EML4: variants seen among roughly 807,000 people sequenced by gnomAD.
The protein encoded by EML4 is EMAP like 4, also known as echinoderm microtubule-associated protein-like 4.
EML4 carries 72 observed loss-of-function variants against 129.0 expected under a neutral mutation model. The observed-to-expected ratio is 0.56, with a 90% CI of 0.46 to 0.68. The LOEUF (loss-of-function observed/expected upper bound fraction) is 0.68, where lower values mean the gene tolerates loss of function less well. EML4 is among the 30% of genes least tolerant of loss of function. The probability of loss-of-function intolerance (pLI) is 0.00; values close to 1 mark genes in which losing one functional copy is unlikely to be tolerated. For synonymous variants in EML4, 532 were observed against 405.0 expected, an observed-to-expected ratio of 1.31 and a Z score of -3.77; for missense variants, 1,363 against 1,190.6, an observed-to-expected ratio of 1.14 and a Z score of -2.13.
At chr2:42,317,671 A>G (rs964055751) in intron 19 of EML4, 147 bp downstream of exon 19, 2 of 592,448 alleles carry the variant, frequency 3.4e-6, no homozygotes, top group African/African-American at 1.9e-5. Flanking sequence ...AATACATGAT[A>G]GCAGAACATC....
chr2:42,268,041 A>G (rs1397352364), intron 6 of EML4, among the ~76,000 whole-genome samples: 1 of 152,238 alleles, frequency 6.6e-6, no homozygotes, highest in Non-Finnish European at 1.5e-5. Context: ...TGGAAAATAG[A>G]TAACAATTTG....
intron 1 of EML4, among the ~76,000 whole-genome samples, chr2:42,245,090 C>CTTTTTTTTTTTTTTTTT (rs960416568): frequency 6.9e-5 from 1 of 14,514 alleles, no homozygotes. Context: ...TTGAAATTTT[C>CTTTTTTTTTTTTTTTTT]TTTCTTTTTT....
rs1157977424 is a variant in EML4 at position 42,330,521 on chromosome 2, T to C, written c.*314T>C. 6.3e-6 allele frequency: 3 copies of C among 475,356 alleles called. No individual in the cohort carries two copies. Among genetic ancestry groups the C allele is most frequent in the African/African-American group, 5.8e-5 (3 of 51,768 alleles). 29.4% of individuals were successfully genotyped at this position (475,356 alleles called of 1,614,324 possible). On this transcript the variant is annotated 3_prime_UTR_variant, in exon 23 of 23. Transcript: ENST00000318522. Reference sequence around the variant, plus strand: ...AACAAAAACAGCAGTTGCATTGATTTTGAAAACAAACCCCCTTGTTATCTG... The same window carrying C: ...AACAAAAACAGCAGTTGCATTGATTCTGAAAACAAACCCCCTTGTTATCTG...
At chr2:42,287,747 G>A (rs903276437) in intron 10 of EML4, among the ~76,000 whole-genome samples, 3 of 152,084 alleles carry the variant, frequency 2.0e-5, no homozygotes, top group African/African-American at 7.2e-5. Flanking sequence ...ATGTAAGTCA[G>A]GTATCTCACA....
At chr2:42,325,141 C>T in intron 19 of EML4, 1 of 513,036 alleles carries the variant, frequency 1.9e-6, no homozygotes, top group Non-Finnish European at 3.9e-6. Context: ...CATGGGGACA[C>T]CAGTGACGTG....
chr2:42,308,933 A>G (rs1668772318), intron 17 of EML4, among the ~76,000 whole-genome samples: 1 of 152,228 alleles, frequency 6.6e-6, no homozygotes. Context: ...ATGGCCAAAT[A>G]ACATTCCATT....
At chr2:42,215,522 G>C (rs573647754) in intron 1 of EML4, among the ~76,000 whole-genome samples, 2 of 150,000 alleles carry the variant, frequency 1.3e-5, no homozygotes, top group Admixed American at 1.3e-4. Context: ...TTTTTTTTCT[G>C]TTTTATTATA....
intron 1 of EML4, among the ~76,000 whole-genome samples, chr2:42,220,417 C>T (rs573894242): frequency 3.9e-5 from 6 of 152,090 alleles, no homozygotes; most frequent in African/African-American, 1.2e-4. Flanking sequence ...ACCTGTGATC[C>T]ATTACCTTTG....
At position 42,201,954 on chromosome 2, in the gene EML4, G is replaced by A. The variant is rs148344723; in HGVS notation, c.25+32318G>A. On this transcript the variant is annotated intron_variant, in intron 1 of 22. Coordinates refer to ENST00000318522, the MANE Select transcript of EML4 (RefSeq NM_019063.5). ...AAAAATTAGCCGGGTGTGGTGCTGC[G>A]CACCTGTAATCCCAGCTCCTCAGGA... Among the ~76,000 whole-genome samples, 1,399 of 152,054 alleles carry A rather than the reference G, an allele frequency of 9.2e-3. 25 individuals carry two copies. Among genetic ancestry groups the A allele is most frequent in the African/African-American group, 0.031 (1,297 of 41,468 alleles).
At position 42,191,752 on chromosome 2, in the gene EML4, A is replaced by G. The variant is rs548942083; in HGVS notation, c.25+22116A>G. On this transcript the variant is annotated intron_variant, in intron 1 of 22. Transcript: ENST00000318522. ...CACTTTATGTTTTATCACCACCTCA[A>G]ACTGAATTTTAAAAATCCCTAGTTT... Among the ~76,000 whole-genome samples, 14 of 152,252 alleles carry G rather than the reference A, an allele frequency of 9.2e-5. No individual in the cohort carries two copies. The South Asian group carries it at 2.9e-3, about 32-fold the overall frequency.
intron 1 of EML4, among the ~76,000 whole-genome samples, chr2:42,223,268 C>T (rs1054577299): frequency 1.3e-5 from 2 of 152,032 alleles, no homozygotes; most frequent in South Asian, 2.1e-4. Context: ...GTAGTGATTA[C>T]GTAAAGATTA....
Position 42,328,934 on chromosome 2 carries a change from G to T in EML4, c.2390G>T (p.Arg797Leu). ...SDGTDINALVRSHNRKVIAVA... is the reference protein window; with the variant it reads ...SDGTDINALVLSHNRKVIAVA... ...GGGACAGATATCAATGCACTGGTGC[G>T]ATCCCACAATAGAAAGGTGATAGCT... The change falls in exon 22 of 23, where the codon CGA (arginine) becomes CTA (leucine). Residue 797 changes from arginine to leucine, a missense_variant. Transcript: ENST00000318522. The T allele has an allele frequency of 6.2e-7, 1 of 1,613,434 alleles. No individual in the cohort carries two copies. Among genetic ancestry groups the T allele is most frequent in the Non-Finnish European group, 8.5e-7 (1 of 1,179,644 alleles).
intron 1 of EML4, among the ~76,000 whole-genome samples, chr2:42,179,994 G>A (rs1171865961): frequency 1.3e-5 from 2 of 152,184 alleles, no homozygotes; most frequent in East Asian, 1.9e-4. Flanking sequence ...TAAAGCCAAC[G>A]GGTAAGATGT....
At chr2:42,192,170 T>G (rs528427017) in intron 1 of EML4, among the ~76,000 whole-genome samples, 25 of 150,084 alleles carry the variant, frequency 1.7e-4, no homozygotes, top group Admixed American at 6.0e-4. Flanking sequence ...CCCAAGAGTC[T>G]GGGTCTTATA....
chr2:42,241,850 G>T (rs763356331), intron 1 of EML4, among the ~76,000 whole-genome samples: 10 of 146,104 alleles, frequency 6.8e-5, no homozygotes, highest in Non-Finnish European at 1.5e-4. Flanking sequence ...GTAAAATATA[G>T]ATTGTGTGTG....
intron 13 of EML4, among the ~76,000 whole-genome samples, chr2:42,299,843 C>T (rs1668181186): frequency 6.6e-6 from 1 of 152,182 alleles, no homozygotes. Context: ...CATGTGCCAT[C>T]ATGCCCGGCT....
chr2:42,240,068 T>C (rs1286963431), intron 1 of EML4, among the ~76,000 whole-genome samples: 1 of 152,138 alleles, frequency 6.6e-6, no homozygotes, highest in Non-Finnish European at 1.5e-5. Context: ...ATTTATAAAA[T>C]GATGAGAGGG....
intron 19 of EML4, among the ~76,000 whole-genome samples, chr2:42,320,309 C>T (rs893312121): frequency 4.0e-5 from 6 of 150,456 alleles, no homozygotes; most frequent in African/African-American, 1.5e-4. Flanking sequence ...GGCAATTAAC[C>T]AAGACCCTGT....
intron 2 of EML4, among the ~76,000 whole-genome samples, chr2:42,252,525 G>A (rs55728305): frequency 0.14 from 21,471 of 152,108 alleles, 1,733 homozygotes; most frequent in South Asian, 0.28. Context: ...AAACCCTTTA[G>A]TGGTTCTTTA....
Sources: allele counts gnomAD v4.1 joint callset (sites outside exome capture counted in the v4.1 genomes callset), GRCh38; gene constraint gnomAD v4.1.1; transcripts MANE v1.5; gene names NCBI Gene and HGNC (gene_info 2026-07-23, HGNC 2026-07-21).